DLGAP4: variants seen among roughly 807,000 people sequenced by gnomAD.
DLGAP4 encodes DLG associated protein 4.
DLGAP4 carries 18 observed loss-of-function variants against 86.9 expected under a neutral mutation model. The observed-to-expected ratio is 0.21, with a 90% CI of 0.14 to 0.31. The LOEUF is 0.31. DLGAP4 is among the 10% of genes least tolerant of loss of function. The pLI is 1.00. For missense variants in DLGAP4, 1,085 were observed against 1,362.6 expected (o/e 0.80, Z 3.21); for synonymous variants, 548 against 574.3 (o/e 0.95, Z 0.65).
intron 2 of DLGAP4, among the ~76,000 whole-genome samples, chr20:36,417,765 T>C (rs952022317): frequency 4.3e-5 from 4 of 93,430 alleles, no homozygotes; most frequent in African/African-American, 1.4e-4. Flanking sequence ...GTTTGGTGGG[T>C]TTTTTTGGTT....
chr20:36,399,671 G>A (rs1354233543), intron 2 of DLGAP4, among the ~76,000 whole-genome samples: 1 of 152,264 alleles, frequency 6.6e-6, no homozygotes, highest in African/African-American at 2.4e-5. Flanking sequence ...TGTAAGAGTT[G>A]AATGAGTTTC....
intron 2 of DLGAP4, among the ~76,000 whole-genome samples, chr20:36,396,476 TCACA>T (rs1491291252): frequency 1.0e-4 from 1 of 9,912 alleles, no homozygotes; most frequent in African/African-American, 3.6e-4. Context: ...CACATACACA[TCACA>T]CACACCACAC....
chr20:36,328,068 A>G (rs537805627), intron 1 of DLGAP4, among the ~76,000 whole-genome samples: 4 of 151,858 alleles, frequency 2.6e-5, no homozygotes, highest in Admixed American at 2.6e-4. Context: ...GTGTGGTGGT[A>G]CACGCCTGTA....
chr20:36,405,172 C>A (rs558175482), intron 2 of DLGAP4, among the ~76,000 whole-genome samples: 2 of 152,238 alleles, frequency 1.3e-5, no homozygotes, highest in South Asian at 2.1e-4. Flanking sequence ...GGGGGAGGCC[C>A]CTTAGTCTAG....
chr20:36,494,384 A>G (rs1412347550), intron 7 of DLGAP4, among the ~76,000 whole-genome samples: 1 of 152,216 alleles, frequency 6.6e-6, no homozygotes, highest in Non-Finnish European at 1.5e-5. Flanking sequence ...CCTTGGTTTC[A>G]TAGATGTCTA....
chr20:36,526,535 C>G (rs540836008), intron 12 of DLGAP4, among the ~76,000 whole-genome samples: 24 of 151,976 alleles, frequency 1.6e-4, no homozygotes, highest in Non-Finnish European at 2.6e-4. Flanking sequence ...GTCTCGGGCT[C>G]CCGGTGATTC....
In DLGAP4 at chr20:36,526,858, T is replaced by C; in HGVS notation, c.2806T>C (p.Ser936Pro). ...PPPVPKKPAK[S>P]KPAVSRDKAS... ...TCCGGTCCCAAAGAAGCCAGCCAAA[T>C]CCAAGCCGGCAGTGAGCCGCGACAA... The change falls in exon 13 of 13, where the codon TCC becomes CCC. Residue 936 changes from serine to proline, a missense_variant. Transcript: ENST00000339266. 6.2e-7 allele frequency: 1 copy of C among 1,611,220 alleles called. No individual in the cohort carries two copies. Among genetic ancestry groups the C allele is most frequent in the Non-Finnish European group, 8.5e-7 (1 of 1,179,302 alleles).
intron 4 of DLGAP4, among the ~76,000 whole-genome samples, chr20:36,438,226 TAGC>T (rs1310004139): frequency 1.3e-5 from 2 of 152,130 alleles, no homozygotes; most frequent in East Asian, 3.9e-4. Context: ...GTATATAAAT[TAGC>T]AGATTGTGGC....
At chr20:36,430,511 G>A (rs2033099553) in intron 2 of DLGAP4, among the ~76,000 whole-genome samples, 1 of 152,110 alleles carries the variant, frequency 6.6e-6, no homozygotes, top group Admixed American at 6.5e-5. Flanking sequence ...CTTGCCCTAG[G>A]TCCTTCTTTT....
At chr20:36,310,222 A>C (rs1264899917) in intron 1 of DLGAP4, among the ~76,000 whole-genome samples, 1 of 28,248 alleles carries the variant, frequency 3.5e-5, no homozygotes, top group Non-Finnish European at 8.8e-5. Context: ...GAAAGAAAGA[A>C]AGAAAGAAAG....
At chr20:36,442,339 C>T (rs1472947517) in intron 5 of DLGAP4, among the ~76,000 whole-genome samples, 1 of 152,200 alleles carries the variant, frequency 6.6e-6, no homozygotes, top group African/African-American at 2.4e-5. Flanking sequence ...GGATTATAGG[C>T]ATGTGCCACC....
At chr20:36,318,883 C>T (rs1033332604) in intron 1 of DLGAP4, among the ~76,000 whole-genome samples, 3 of 152,172 alleles carry the variant, frequency 2.0e-5, no homozygotes, top group East Asian at 1.9e-4. Flanking sequence ...CGGTGGCTCA[C>T]GCCTGTAATC....
Position 36,446,947 on chromosome 20 carries a change from G to A in DLGAP4, c.1648+10G>A. 6.9e-6 allele frequency: 11 copies of A among 1,595,110 alleles called. No homozygotes were observed. Among genetic ancestry groups the A allele is most frequent in the Non-Finnish European group, 9.4e-6 (11 of 1,166,116 alleles). ...AGTCGCACGCTTCCGAGTGAGTACT[G>A]TGATGAGGGAAGGGGTTTTTTTTCT... is the stretch of plus-strand genomic sequence containing the variant. On this transcript the variant is annotated intron_variant, in intron 7 of 12. Transcript: ENST00000339266.
intron 7 of DLGAP4, among the ~76,000 whole-genome samples, chr20:36,482,610 CT>C: frequency 6.6e-6 from 1 of 152,178 alleles, no homozygotes. Flanking sequence ...GCCGAGGCAG[CT>C]TTGTAACTGG....
intron 7 of DLGAP4, among the ~76,000 whole-genome samples, chr20:36,466,925 GCTCTCTCTCTCT>G (rs545978839): frequency 7.6e-6 from 1 of 131,022 alleles, no homozygotes; most frequent in Admixed American, 7.8e-5. Flanking sequence ...TCTCGCTCTT[GCTCTCTCTCTCT>G]CTCTCTCTGT....
At chr20:36,509,206 TGAGTTCAG>T (rs1477095674) in intron 10 of DLGAP4, among the ~76,000 whole-genome samples, 1 of 152,182 alleles carries the variant, frequency 6.6e-6, no homozygotes, top group Non-Finnish European at 1.5e-5. Context: ...GAAGATTGCT[TGAGTTCAG>T]GAGTTCAAAA....
chr20:36,318,039 C>A (rs2065126063), intron 1 of DLGAP4, among the ~76,000 whole-genome samples: 1 of 151,852 alleles, frequency 6.6e-6, no homozygotes, highest in Non-Finnish European at 1.5e-5. Context: ...TCTATACTCA[C>A]TACTTATTAC....
chr20:36,502,101 C>A (rs901580036), intron 10 of DLGAP4, among the ~76,000 whole-genome samples: 2 of 152,158 alleles, frequency 1.3e-5, no homozygotes, highest in Admixed American at 6.6e-5. Context: ...TTTCCTGTTA[C>A]CATTGGCATA....
At position 36,442,766 on chromosome 20, in the gene DLGAP4, C is replaced by T; in HGVS notation, c.1396C>T (p.His466Tyr). ...CTCCCTGATCCCCCAGTTGTTTGGCCATGAGCAGCAGGTCAGTATGTTTGC... is the reference window on the plus strand; with the variant it reads ...CTCCCTGATCCCCCAGTTGTTTGGCTATGAGCAGCAGGTCAGTATGTTTGC... ...QASLIPQLFG[H>Y]EQQVREAELS... is the part of the protein sequence containing the mutation. Residue 466 changes from histidine (H) to tyrosine (Y), a missense_variant, in exon 6 of 13, where the codon CAT becomes TAT. Physicochemically the swap from His to Tyr is moderately conservative, Grantham distance 83. Around this residue, in one of 2 missense-constraint regions of DLGAP4, gnomAD observed 1,082 missense variants for 1,344.1 expected, o/e 0.81. Transcript: ENST00000339266. 1.2e-6 allele frequency: 2 copies of T among 1,614,220 alleles called. No individual in the cohort carries two copies. Among genetic ancestry groups the T allele is most frequent in the Non-Finnish European group, 1.7e-6 (2 of 1,180,046 alleles).
Sources: gnomAD v4.1 joint callset for allele counts (sites outside exome capture counted in the v4.1 genomes callset) on GRCh38, gnomAD v4.1.1 for gene constraint, gnomAD v4.1.1 regional missense constraint, MANE v1.5 for transcripts, NCBI Gene and HGNC (gene_info 2026-07-23, HGNC 2026-07-21) for gene names.